The following TNKS2 variants were observed in gnomAD, a reference collection of about 807,000 sequenced individuals.
TNKS2 encodes the protein tankyrase 2, also known as poly [ADP-ribose] polymerase tankyrase-2.
In TNKS2, 72 loss-of-function variants were observed where a neutral mutation model predicts 137.6. The ratio of observed to expected loss-of-function variants is 0.52; its 90% CI spans 0.43 to 0.64. The LOEUF (loss-of-function observed/expected upper bound fraction) is 0.64. Among genes scored for constraint, TNKS2 ranks in the 30% least tolerant of loss-of-function variants. The pLI is 0.00. For synonymous variants in TNKS2, 516 were observed against 512.1 expected (o/e 1.01, Z -0.10); for missense variants, 1,049 against 1,410.2 (o/e 0.74, Z 4.10).
chr10:91,839,849 A>G (rs1261459040), intron 13 of TNKS2, among the ~76,000 whole-genome samples: 3 of 152,208 alleles, frequency 2.0e-5, no homozygotes, highest in Non-Finnish European at 4.4e-5. Context: ...GACTCAGTAG[A>G]TAGAGATCTG....
intron 7 of TNKS2, among the ~76,000 whole-genome samples, chr10:91,824,322 A>G (rs12359353): frequency 0.18 from 27,700 of 152,184 alleles, 2,621 homozygotes; most frequent in Middle Eastern, 0.28. Flanking sequence ...ACTGCTTTCC[A>G]TGACCAGGGC....
chr10:91,855,324 T>C (rs1842672959), intron 22 of TNKS2, among the ~76,000 whole-genome samples, 198 bp downstream of exon 22: 2 of 152,130 alleles, frequency 1.3e-5, no homozygotes, highest in East Asian at 1.9e-4. Context: ...CTCATATTCT[T>C]TGTTTTTTGT....
chr10:91,807,095 A>AGT (rs1283361744), intron 1 of TNKS2: 1 of 1,454,190 alleles, frequency 6.9e-7, no homozygotes, highest in Non-Finnish European at 9.5e-7. Context: ...TTAGTTACAT[A>AGT]AAGTACTTTC....
chr10:91,815,758 T>C (rs1844672556), intron 2 of TNKS2, among the ~76,000 whole-genome samples: 1 of 152,140 alleles, frequency 6.6e-6, no homozygotes, highest in Non-Finnish European at 1.5e-5. Context: ...ATTTTATTTC[T>C]GTTGAACAGC....
In TNKS2 at chr10:91,863,553, T is replaced by C. The variant is rs532556568; in HGVS notation, c.*554T>C. ...GTCATGATTGAGTGATCTTTACATT[T>C]GATTCCAGAGGCTATGTTCAGTTGT... is the stretch of plus-strand genomic sequence containing the variant. On this transcript the variant is annotated 3_prime_UTR_variant, in exon 27 of 27. Coordinates refer to ENST00000371627, the MANE Select transcript of TNKS2 (RefSeq NM_025235.4). The C allele has an allele frequency of 6.6e-6, 1 of 152,640 alleles. No individual in the cohort carries two copies. The highest frequency in any genetic ancestry group is 2.1e-4 in the South Asian group (1 of 4,834). 9.5% of individuals were successfully genotyped at this position (152,640 alleles called of 1,614,324 possible). A position where few individuals can be genotyped will look rare whatever the true frequency, so the allele number is the denominator to read the frequency against.
At chr10:91,822,492 C>T (rs1242459779) in intron 7 of TNKS2, 130 bp downstream of exon 7, 2 of 678,954 alleles carry the variant, frequency 2.9e-6, no homozygotes, top group Non-Finnish European at 4.9e-6. Context: ...TATTTATAAG[C>T]ATTATAAAAT....
At chr10:91,839,654 A>T (rs1350270275) in intron 13 of TNKS2, among the ~76,000 whole-genome samples, 2 of 152,208 alleles carry the variant, frequency 1.3e-5, no homozygotes, top group East Asian at 3.8e-4. Context: ...CTGAACCACC[A>T]GCATCAGCAT....
rs1171286209 is a variant in TNKS2 at position 91,857,528 on chromosome 10, A to G, written c.3092A>G (p.His1031Arg). The change falls in exon 24 of 27, where the codon CAT becomes CGT. Residue 1031 changes from histidine (H) to arginine (R), a missense_variant and splice_region_variant. His to Arg is a conservative substitution (Grantham distance 29). Around this residue, in one of 6 missense-constraint regions of TNKS2, gnomAD observed 133 missense variants for 248.4 expected, o/e 0.54. Coordinates refer to ENST00000371627, the MANE Select transcript of TNKS2 (RefSeq NM_025235.4). ...HNHANERMLF[H>R]GSPFVNAIIH... The stretch of plus-strand genomic sequence containing the variant: ...CATGCCAATGAACGAATGCTATTTC[A>G]TGGTAAGATTCCTCCCCACCAACTC... The G allele has an allele frequency of 1.2e-6, 2 of 1,605,706 alleles. No individual in the cohort carries two copies. Among genetic ancestry groups the G allele is most frequent in the African/African-American group, 1.3e-5 (1 of 74,732 alleles).
chr10:91,839,951 C>T (rs1369819327), intron 13 of TNKS2, among the ~76,000 whole-genome samples: 1 of 152,202 alleles, frequency 6.6e-6, no homozygotes, highest in East Asian at 1.9e-4. Context: ...ATGCAAGTTA[C>T]ACTTGCTGAT....
intron 9 of TNKS2, among the ~76,000 whole-genome samples, chr10:91,829,283 T>TAA (rs57622995): frequency 6.7e-6 from 1 of 149,740 alleles, no homozygotes; most frequent in Non-Finnish European, 1.5e-5. Context: ...CTTCTAAATT[T>TAA]AAAAAAAAAA....
intron 16 of TNKS2, among the ~76,000 whole-genome samples, chr10:91,842,965 C>T (rs576989154): frequency 3.7e-4 from 56 of 152,186 alleles, no homozygotes; most frequent in Admixed American, 9.2e-4. Context: ...AATCATTATT[C>T]CAGGTAATCA....
chr10:91,821,648 T>C (rs534084441), intron 6 of TNKS2, among the ~76,000 whole-genome samples: 184 of 152,212 alleles, frequency 1.2e-3, no homozygotes, highest in Middle Eastern at 3.4e-3. Context: ...CTTCCTCCAT[T>C]CCCATCATGG....
intron 1 of TNKS2, among the ~76,000 whole-genome samples, chr10:91,804,791 T>C (rs1844273120): frequency 6.6e-6 from 1 of 152,178 alleles, no homozygotes; most frequent in African/African-American, 2.4e-5. Flanking sequence ...AGTTTCACTC[T>C]TGTCGCCCAG....
chr10:91,816,228 G>A (rs1233304345), intron 2 of TNKS2, among the ~76,000 whole-genome samples: 1 of 152,066 alleles, frequency 6.6e-6, no homozygotes, highest in Admixed American at 6.6e-5. Flanking sequence ...GATTACAGGC[G>A]TGAGCCACCA....
At chr10:91,819,159 G>T in intron 3 of TNKS2, 111 bp from the exon 4 acceptor site, 2 of 630,732 alleles carry the variant, frequency 3.2e-6, no homozygotes, top group South Asian at 2.7e-5. Flanking sequence ...CCATTTATTG[G>T]AAATTTGTTT....
In TNKS2 at chr10:91,848,504, C is replaced by G; in HGVS notation, c.2480C>G (p.Ser827Ter). 1 of 1,614,164 alleles carries G rather than the reference C, an allele frequency of 6.2e-7. No homozygotes were observed. The highest frequency in any genetic ancestry group is 8.5e-7 in the Non-Finnish European group (1 of 1,180,030). Reference sequence around the variant, plus strand: ...GGAGCCACTGCAGATGCTCTCTCTTCAGGTCCATCTAGCCCATCAAGCCTT... The same window carrying G: ...GGAGCCACTGCAGATGCTCTCTCTTGAGGTCCATCTAGCCCATCAAGCCTT... ...SPGATADALS[S>*]GPSSPSSLSA... is the part of the protein sequence containing the mutation. The change falls in exon 19 of 27, where the codon TCA (serine) becomes TGA (stop). Residue 827 changes from serine to a stop codon, truncating the protein, a stop_gained. Coordinates refer to ENST00000371627, the MANE Select transcript of TNKS2 (RefSeq NM_025235.4). LOFTEE classifies it high-confidence loss of function.
rs1554838002 is a variant in TNKS2 at position 91,835,276 on chromosome 10, C to CTTTTTTTTCTT, written c.1447+1261_1447+1271dup. ...TTTAATGTGTTTATTGCCCATTTCT[C>CTTTTTTTTCTT]TTTTTTTTCTTTTTTTTTTTCTTTT... is the stretch of plus-strand genomic sequence containing the variant. On this transcript the variant is annotated intron_variant, in intron 12 of 26. Transcript: ENST00000371627. Among the ~76,000 whole-genome samples, 90 of 141,398 alleles carry CTTTTTTTTCTT rather than the reference C, an allele frequency of 6.4e-4. 1 individual carries two copies. The highest frequency in any genetic ancestry group is 1.2e-3 in the Admixed American group (17 of 13,698). The allele number at this position is 141,398 out of a possible 152,430, so 92.8% of individuals were successfully genotyped here.
At chr10:91,850,068 TAGAATA>T (rs1247777701) in intron 20 of TNKS2, among the ~76,000 whole-genome samples, 1 of 152,072 alleles carries the variant, frequency 6.6e-6, no homozygotes, top group African/African-American at 2.4e-5. Flanking sequence ...GTTATGGAAT[TAGAATA>T]AGAACATATG....
rs373806134 is a variant in TNKS2 at position 91,840,279 on chromosome 10, G to T, written c.1528-282G>T. Among the ~76,000 whole-genome samples, 16 of 152,276 alleles carry T rather than the reference G, an allele frequency of 1.1e-4. No individual in the cohort carries two copies. The East Asian group carries it at 2.5e-3, about 24-fold the overall frequency. The stretch of plus-strand genomic sequence containing the variant: ...TGCTTGAACCCAGGAAACAGAGGTT[G>T]CAGTGAACTGAGATTGCGCCACTGC... On this transcript the variant is annotated intron_variant, in intron 13 of 26. Transcript: ENST00000371627.
Sources: gnomAD v4.1 joint callset for allele counts (sites outside exome capture counted in the v4.1 genomes callset) on GRCh38, gnomAD v4.1.1 for gene constraint, gnomAD v4.1.1 regional missense constraint, MANE v1.5 for transcripts, NCBI Gene and HGNC (gene_info 2026-07-23, HGNC 2026-07-21) for gene names.